NCOR1: variants seen among roughly 807,000 people sequenced by gnomAD.
NCOR1 encodes protein phosphatase 1, regulatory subunit 109.
In NCOR1, 63 loss-of-function variants were observed where a neutral mutation model predicts 288.1. The observed-to-expected ratio is 0.22, with a 90% CI of 0.18 to 0.27. The LOEUF (loss-of-function observed/expected upper bound fraction) is 0.27, where lower values mean the gene tolerates loss of function less well. Among genes scored for constraint, NCOR1 ranks in the 10% least tolerant of loss-of-function variants. NCOR1 has a pLI of 1.00. For synonymous variants in NCOR1, 1,007 were observed against 1,065.9 expected, an observed-to-expected ratio of 0.94 and a Z score of 1.08; for missense variants, 2,397 against 3,019.2, an observed-to-expected ratio of 0.79 and a Z score of 4.83.
chr17:16,087,429 G>C (rs934375165), intron 22 of NCOR1: 1 of 869,894 alleles, frequency 1.1e-6, no homozygotes. Context: ...ACACCATCCA[G>C]GGGCTGATCC....
chr17:16,049,820 A>T (rs1597854140), intron 40 of NCOR1, among the ~76,000 whole-genome samples: 1 of 152,050 alleles, frequency 6.6e-6, no homozygotes, highest in African/African-American at 2.4e-5. Flanking sequence ...CAGGTGATCC[A>T]CCTGCCTGGG....
intron 13 of NCOR1, 51 bp from the exon 14 acceptor site, chr17:16,137,463 T>G (rs777644384): frequency 3.9e-6 from 4 of 1,022,708 alleles, no homozygotes; most frequent in Admixed American, 3.0e-5. Flanking sequence ...ATAAAGAAAT[T>G]TTTTAATTAA....
Position 16,127,317 on chromosome 17 carries a change from GTATATA to G in NCOR1, c.1510-1117_1510-1112del, listed in dbSNP as rs79387612. The stretch of plus-strand genomic sequence containing the variant: ...TGTATGTATGTATATATACATGTAT[GTATATA>G]TGTATGTATATATACATGTATGTAT... On this transcript the variant is annotated intron_variant, in intron 14 of 45. Transcript: ENST00000268712. 1.7e-3 allele frequency among the ~76,000 whole-genome samples: 62 copies of G among 36,162 alleles called. 15 individuals carry two copies. The highest frequency in any genetic ancestry group is 3.9e-3 in the African/African-American group (58 of 15,010). 23.7% of individuals were successfully genotyped at this position (36,162 alleles called of 152,430 possible). A position where few individuals can be genotyped will look rare whatever the true frequency, so the allele number is the denominator to read the frequency against.
intron 2 of NCOR1, among the ~76,000 whole-genome samples, chr17:16,189,081 T>TA (rs897463490): frequency 1.7e-4 from 25 of 149,904 alleles, no homozygotes; most frequent in African/African-American, 2.5e-4. Context: ...AAAATAAAAA[T>TA]AAAAAAAAAT....
chr17:16,110,878 A>G (rs2069968883), intron 18 of NCOR1, among the ~76,000 whole-genome samples: 1 of 152,266 alleles, frequency 6.6e-6, no homozygotes, highest in African/African-American at 2.4e-5. Context: ...TCATAGCAGG[A>G]ATGCAAGAGA....
chr17:16,040,646 G>T (rs915977101), intron 42 of NCOR1, 152 bp from the exon 43 acceptor site: 3 of 760,464 alleles, frequency 3.9e-6, no homozygotes, highest in East Asian at 2.9e-5. Flanking sequence ...TAAAATGGAA[G>T]TATTTTTTTT....
chr17:16,101,961 A>G (rs2067699623), intron 19 of NCOR1, among the ~76,000 whole-genome samples: 1 of 152,226 alleles, frequency 6.6e-6, no homozygotes, highest in Non-Finnish European at 1.5e-5. Flanking sequence ...AGTTTCCTAC[A>G]GAGTATAAAA....
chr17:16,181,211 A>ATGTGTATG (rs1555787780), intron 3 of NCOR1, among the ~76,000 whole-genome samples: 2 of 139,580 alleles, frequency 1.4e-5, no homozygotes, highest in South Asian at 4.8e-4. Context: ...ATATATATGT[A>ATGTGTATG]TGTGTGTGTG....
At chr17:16,038,863 C>T (rs918257628) in intron 44 of NCOR1, among the ~76,000 whole-genome samples, 4 of 152,136 alleles carry the variant, frequency 2.6e-5, no homozygotes, top group Non-Finnish European at 5.9e-5. Flanking sequence ...CTCCGCCTCT[C>T]GGGTTCAAGC....
At chr17:16,074,980 G>A (rs763807565) in intron 27 of NCOR1, among the ~76,000 whole-genome samples, 10 of 152,060 alleles carry the variant, frequency 6.6e-5, no homozygotes, top group Non-Finnish European at 1.3e-4. Flanking sequence ...CCATTCTCCT[G>A]GCTCAGCCTC....
At chr17:16,197,823 T>C (rs866019364) in intron 1 of NCOR1, among the ~76,000 whole-genome samples, 4 of 152,162 alleles carry the variant, frequency 2.6e-5, no homozygotes, top group Middle Eastern at 6.8e-3. Context: ...GTTGATCTTT[T>C]TGGAAATAAA....
chr17:16,141,035 T>C (rs537309545), intron 11 of NCOR1, among the ~76,000 whole-genome samples: 18 of 148,418 alleles, frequency 1.2e-4, no homozygotes, highest in Admixed American at 2.0e-4. Flanking sequence ...GTCCTGATAT[T>C]ATGCAATAGT....
At chr17:16,107,327 C>A (rs2068981166) in intron 19 of NCOR1, among the ~76,000 whole-genome samples, 1 of 152,000 alleles carries the variant, frequency 6.6e-6, no homozygotes, top group Non-Finnish European at 1.5e-5. Flanking sequence ...AAGGAGATGA[C>A]TAAGGTTAAA....
At chr17:16,165,605 G>A (rs2081878162) in intron 4 of NCOR1, among the ~76,000 whole-genome samples, 2 of 152,178 alleles carry the variant, frequency 1.3e-5, no homozygotes, top group Admixed American at 6.5e-5. Context: ...ATGGCCAAGT[G>A]TTCCTATCAA....
At chr17:16,098,207 G>A (rs2066983072) in intron 21 of NCOR1, among the ~76,000 whole-genome samples, 160 bp downstream of exon 21, 1 of 152,178 alleles carries the variant, frequency 6.6e-6, no homozygotes, top group Non-Finnish European at 1.5e-5. Context: ...CACTTAACAC[G>A]AGTGAACTGT....
chr17:16,112,535 C>T (rs1326138816), intron 18 of NCOR1, among the ~76,000 whole-genome samples: 2 of 152,132 alleles, frequency 1.3e-5, no homozygotes, highest in African/African-American at 2.4e-5. Context: ...CTCACTCTGT[C>T]GCCCGGCTGG....
At chr17:16,098,340 G>A (rs1456629222) in intron 21 of NCOR1, 27 bp downstream of exon 21, 1 of 1,607,944 alleles carries the variant, frequency 6.2e-7, no homozygotes, top group Non-Finnish European at 8.5e-7. Context: ...TTCATATTTA[G>A]TTTTCTTCCT....
intron 1 of NCOR1, among the ~76,000 whole-genome samples, chr17:16,214,737 C>T (rs2092408252): frequency 6.6e-6 from 1 of 152,200 alleles, no homozygotes; most frequent in Non-Finnish European, 1.5e-5. Flanking sequence ...ACTACAGTTT[C>T]TCAAATTCCT....
rs548572070 is a variant in NCOR1 at position 16,181,220 on chromosome 17, T to C, written c.242+5334A>G. ...GTATACATATATATGTATGTGTGTG[T>C]GTGTGTGTGTGTGTGTGTGTGTGTG... On this transcript the variant is annotated intron_variant, in intron 3 of 45. Coordinates refer to ENST00000268712, the MANE Select transcript of NCOR1 (RefSeq NM_006311.4). Among the ~76,000 whole-genome samples, 688 of 140,094 alleles carry C rather than the reference T, an allele frequency of 4.9e-3. 9 individuals are homozygous for C. The highest frequency in any genetic ancestry group is 0.019 in the African/African-American group (674 of 35,394). 91.9% of individuals were successfully genotyped at this position (140,094 alleles called of 152,430 possible). A position where few individuals can be genotyped will look rare whatever the true frequency, so the allele number is the denominator to read the frequency against.
Sources: gnomAD v4.1 joint callset for allele counts (sites outside exome capture counted in the v4.1 genomes callset) on GRCh38, gnomAD v4.1.1 for gene constraint, MANE v1.5 for transcripts, NCBI Gene and HGNC (gene_info 2026-07-23, HGNC 2026-07-21) for gene names.